The following GNAQ variants were observed in gnomAD, a reference collection of about 807,000 sequenced individuals.
GNAQ encodes the protein G protein subunit alpha q.
GNAQ carries 8 observed loss-of-function variants against 43.9 expected under a neutral mutation model. The ratio of observed to expected loss-of-function variants is 0.18; its 90% CI spans 0.11 to 0.33. The LOEUF (loss-of-function observed/expected upper bound fraction) is 0.33, where lower values mean the gene tolerates loss of function less well. Ranked by LOEUF, GNAQ falls within the 10% of genes least tolerant of loss-of-function variation. The pLI is 1.00. For missense variants in GNAQ, 158 were observed against 450.8 expected (o/e 0.35, Z 5.88); for synonymous variants, 155 against 170.7 (o/e 0.91, Z 0.71).
intron 3 of GNAQ, among the ~76,000 whole-genome samples, chr9:77,808,479 G>A (rs1018051538): frequency 1.3e-5 from 2 of 151,496 alleles, no homozygotes; most frequent in African/African-American, 2.4e-5. Flanking sequence ...TTGACACTCT[G>A]AAGAAGAGCA....
Position 78,001,699 on chromosome 9 carries a change from C to G in GNAQ, c.136+29401G>C, listed in dbSNP as rs11145649. ...AGGAGAAGGAACATTTACTGAGACC[C>G]TCTCATGAGTTCAGCCTCACTGTCT... On this transcript the variant is annotated intron_variant, in intron 1 of 6. Transcript: ENST00000286548. Among the ~76,000 whole-genome samples the G allele has an allele frequency of 5.6e-3, 850 of 151,962 alleles. 8 individuals are homozygous for G. The highest frequency in any genetic ancestry group is 0.018 in the African/African-American group (765 of 41,442).
intron 5 of GNAQ, among the ~76,000 whole-genome samples, chr9:77,743,602 T>G (rs1214922933): frequency 6.6e-6 from 1 of 152,190 alleles, no homozygotes; most frequent in Admixed American, 6.5e-5. Flanking sequence ...ATGTGTGTTA[T>G]GAGCTGGCTG....
intron 1 of GNAQ, among the ~76,000 whole-genome samples, chr9:78,003,827 GA>G (rs1259129631): frequency 1.8e-4 from 24 of 136,390 alleles, no homozygotes; most frequent in African/African-American, 4.3e-4. Context: ...AAAAAAAAAA[GA>G]AAAAAAAAAG....
intron 2 of GNAQ, among the ~76,000 whole-genome samples, chr9:77,831,870 T>C (rs1047778918): frequency 1.3e-5 from 2 of 152,228 alleles, no homozygotes; most frequent in African/African-American, 4.8e-5. Context: ...TCTATATACC[T>C]GCCTTCAGTT....
At chr9:78,000,195 A>AT (rs1321912165) in intron 1 of GNAQ, among the ~76,000 whole-genome samples, 1 of 152,030 alleles carries the variant, frequency 6.6e-6, no homozygotes. Flanking sequence ...CAAAAATTCA[A>AT]TTTTTTTTCC....
intron 1 of GNAQ, among the ~76,000 whole-genome samples, chr9:78,026,740 T>TAC (rs1286436728): frequency 6.6e-6 from 1 of 152,202 alleles, no homozygotes; most frequent in Non-Finnish European, 1.5e-5. Context: ...TAACTTCCCA[T>TAC]ACAGCTTAAA....
intron 3 of GNAQ, among the ~76,000 whole-genome samples, chr9:77,814,038 T>C (rs972287102): frequency 1.3e-5 from 2 of 151,484 alleles, no homozygotes; most frequent in African/African-American, 2.4e-5. Context: ...AGAGACATAA[T>C]GAATGGGAAC....
At chr9:77,875,797 A>G (rs564901074) in intron 2 of GNAQ, among the ~76,000 whole-genome samples, 1 of 152,250 alleles carries the variant, frequency 6.6e-6, no homozygotes, top group East Asian at 1.9e-4. Context: ...ATCTTAACCC[A>G]ACCACCCATT....
At chr9:77,793,699 C>T (rs1183634001) in intron 5 of GNAQ, among the ~76,000 whole-genome samples, 1 of 152,052 alleles carries the variant, frequency 6.6e-6, no homozygotes, top group African/African-American at 2.4e-5. Flanking sequence ...CCCGTTCCCC[C>T]AACACACACA....
At chr9:78,012,843 T>C (rs1347851702) in intron 1 of GNAQ, among the ~76,000 whole-genome samples, 3 of 152,158 alleles carry the variant, frequency 2.0e-5, no homozygotes, top group East Asian at 1.9e-4. Flanking sequence ...ATATTCAATA[T>C]GAAATCAAAG....
chr9:77,770,371 G>C (rs1826204795), intron 5 of GNAQ, among the ~76,000 whole-genome samples: 1 of 152,086 alleles, frequency 6.6e-6, no homozygotes, highest in Non-Finnish European at 1.5e-5. Context: ...ACAGGTAAAG[G>C]CTTCACTTCC....
At chr9:78,017,953 A>G (rs572082274) in intron 1 of GNAQ, among the ~76,000 whole-genome samples, 1 of 152,272 alleles carries the variant, frequency 6.6e-6, no homozygotes, top group East Asian at 1.9e-4. Flanking sequence ...TTCTAATAAT[A>G]TTGTTCATGA....
chr9:77,725,557 G>A (rs555913191), intron 6 of GNAQ, among the ~76,000 whole-genome samples: 5 of 111,424 alleles, frequency 4.5e-5, no homozygotes, highest in Admixed American at 1.2e-4. Context: ...TGCATTATAT[G>A]TATACTGGGG....
chr9:77,728,682 AAAATC>A lies in GNAQ; in HGVS notation c.736-20_736-16del. On this transcript the variant is annotated splice_polypyrimidine_tract_variant and intron_variant, in intron 5 of 6. Transcript: ENST00000286548. ...TCCATTCGGTTCTGGAAAAAAAAAAAAAATCAGAAAAAACAAGGAGTGAATTACAT... is the reference window on the plus strand; with the variant it reads ...TCCATTCGGTTCTGGAAAAAAAAAAAAGAAAAAACAAGGAGTGAATTACAT... The A allele has an allele frequency of 3.9e-6, 6 of 1,553,646 alleles. No homozygotes were observed. Among genetic ancestry groups the A allele is most frequent in the Non-Finnish European group, 5.2e-6 (6 of 1,147,912 alleles).
At chr9:77,944,304 T>C (rs952164249) in intron 1 of GNAQ, among the ~76,000 whole-genome samples, 1 of 151,610 alleles carries the variant, frequency 6.6e-6, no homozygotes, top group East Asian at 1.9e-4. Flanking sequence ...GGCTCACAAA[T>C]CTTCCGCCAT....
intron 6 of GNAQ, among the ~76,000 whole-genome samples, chr9:77,724,393 T>TG (rs1286101025): frequency 1.3e-5 from 2 of 152,188 alleles, no homozygotes; most frequent in African/African-American, 4.8e-5. Context: ...GACAGGGTTT[T>TG]GCCATGTTGA....
intron 2 of GNAQ, among the ~76,000 whole-genome samples, chr9:77,885,897 C>T (rs1828296936): frequency 1.3e-5 from 2 of 152,052 alleles, no homozygotes; most frequent in Admixed American, 6.6e-5. Flanking sequence ...AAAAGCCTTC[C>T]CCTTAAGGTT....
intron 1 of GNAQ, among the ~76,000 whole-genome samples, chr9:77,980,756 C>T (rs1321473060): frequency 6.6e-6 from 1 of 152,038 alleles, no homozygotes; most frequent in Non-Finnish European, 1.5e-5. Context: ...GGCTAGATTA[C>T]AAAATCATGA....
At chr9:77,944,646 C>T (rs544212616) in intron 1 of GNAQ, among the ~76,000 whole-genome samples, 1 of 152,296 alleles carries the variant, frequency 6.6e-6, no homozygotes, top group South Asian at 2.1e-4. Context: ...ACCTCTGCCA[C>T]TCATTGTAAC....
Sources: gnomAD v4.1 joint callset for allele counts (sites outside exome capture counted in the v4.1 genomes callset) on GRCh38, gnomAD v4.1.1 for gene constraint, MANE v1.5 for transcripts, NCBI Gene and HGNC (gene_info 2026-07-23, HGNC 2026-07-21) for gene names.